Variants in ZNF469 observed in about 807,000 individuals in gnomAD.
ZNF469 encodes the protein zinc finger protein 469.
Under a neutral mutation model 1.0 loss-of-function variants are expected in ZNF469, and 1 was observed. The observed-to-expected ratio is 1.00, with a 90% CI of 0.35 to 4.73. The LOEUF (loss-of-function observed/expected upper bound fraction) is 4.73. ZNF469 is among the 30% of genes most tolerant of loss of function. The probability of loss-of-function intolerance (pLI) is 0.16; values close to 1 mark genes in which losing one functional copy is unlikely to be tolerated. For missense variants in ZNF469, 6,100 were observed against 5,356.3 expected (o/e 1.14, Z -4.33); for synonymous variants, 2,703 against 2,363.4 (o/e 1.14, Z -4.17).
intron 1 of ZNF469, among the ~76,000 whole-genome samples, chr16:88,409,878 G>A (rs8045947): frequency 4.2e-5 from 6 of 143,060 alleles, no homozygotes; most frequent in East Asian, 2.0e-4. Context: ...GGGGGGGGGG[G>A]GGGGGGCGCG....
At chr16:88,145,924 G>A in the ZNF469 span, among the ~76,000 whole-genome samples, 7 of 152,348 alleles carry the variant, frequency 4.6e-5, no homozygotes, top group Non-Finnish European at 7.3e-5. Context: ...CCAGCGGTCC[G>A]GCCTCTGGGA....
the ZNF469 span, among the ~76,000 whole-genome samples, chr16:88,325,894 G>A: frequency 3.9e-5 from 6 of 152,248 alleles, no homozygotes; most frequent in African/African-American, 1.4e-4. Flanking sequence ...TAGACCTGAA[G>A]GACGCCACTT....
the ZNF469 span, among the ~76,000 whole-genome samples, chr16:88,139,190 C>A: frequency 6.6e-6 from 1 of 152,264 alleles, no homozygotes; most frequent in Non-Finnish European, 1.5e-5. Flanking sequence ...ATGCTGGAAG[C>A]TGGGATGAGC....
chr16:88,296,543 C>A, the ZNF469 span, among the ~76,000 whole-genome samples: 1 of 151,528 alleles, frequency 6.6e-6, no homozygotes, highest in Non-Finnish European at 1.5e-5. Context: ...TGCACATACA[C>A]ACATATATGC....
At chr16:88,271,333 G>A in the ZNF469 span, among the ~76,000 whole-genome samples, 4 of 133,166 alleles carry the variant, frequency 3.0e-5, 1 homozygote, top group Non-Finnish European at 6.9e-5. Context: ...GAGGGGGTTA[G>A]GGCCGGGGCC....
the ZNF469 span, among the ~76,000 whole-genome samples, chr16:88,204,701 G>A: frequency 6.6e-6 from 1 of 152,230 alleles, no homozygotes; most frequent in African/African-American, 2.4e-5. Flanking sequence ...GGTCATTCCA[G>A]GATGGTCACA....
At chr16:88,353,741 C>T in the ZNF469 span, among the ~76,000 whole-genome samples, 1 of 152,212 alleles carries the variant, frequency 6.6e-6, no homozygotes, top group Non-Finnish European at 1.5e-5. Flanking sequence ...GAAATGAGGT[C>T]ATACACAGAT....
At position 88,383,796 on chromosome 16, in the gene ZNF469, G is replaced by T. The variant is rs1202177015; in HGVS notation, c.-192+542G>T. 1.3e-5 allele frequency among the ~76,000 whole-genome samples: 2 copies of T among 152,146 alleles called. 1 individual carries two copies. The highest frequency in any genetic ancestry group is 3.9e-4 in the East Asian group (2 of 5,184). On this transcript the variant is annotated intron_variant, in intron 1 of 2. Transcript: ENST00000565624. ...GGCGGTGTCAGCGCCCCGGACGGGG[G>T]TGGGAGCTTTGGAGCCCACCCTGGG...
At chr16:88,120,854 G>T in the ZNF469 span, among the ~76,000 whole-genome samples, 1 of 152,198 alleles carries the variant, frequency 6.6e-6, no homozygotes, top group Admixed American at 6.5e-5. Flanking sequence ...TGTGAGCCCC[G>T]GCTGGCTGCG....
At chr16:88,418,528 T>C (rs747905544) in intron 1 of ZNF469, among the ~76,000 whole-genome samples, 269 of 152,184 alleles carry the variant, frequency 1.8e-3, no homozygotes, top group Non-Finnish European at 3.3e-3. Context: ...GCTCCGTCTT[T>C]AAGCACAAAT....
the ZNF469 span, among the ~76,000 whole-genome samples, chr16:88,275,815 G>A: frequency 1.3e-5 from 2 of 152,216 alleles, no homozygotes; most frequent in Non-Finnish European, 1.5e-5. Context: ...GCATGGCGGA[G>A]GGGATAAGAC....
rs911789771 is a variant in ZNF469 at position 88,430,754 on chromosome 16, C to T, written c.3284C>T (p.Ala1095Val). 6.6e-7 allele frequency: 1 copy of T among 1,508,490 alleles called. No individual in the cohort carries two copies. Among genetic ancestry groups the T allele is most frequent in the Non-Finnish European group, 8.8e-7 (1 of 1,135,486 alleles). 93.4% of individuals were successfully genotyped at this position (1,508,490 alleles called of 1,614,324 possible). A position where few individuals can be genotyped will look rare whatever the true frequency, so the allele number is the denominator to read the frequency against. The change falls in exon 3 of 3, where the codon GCC becomes GTC. Residue 1095 changes from alanine (A) to valine (V), a missense_variant. Ala to Val is a moderately conservative substitution (Grantham distance 64, BLOSUM62 0). Transcript: ENST00000565624. The part of the protein sequence containing the change: ...EDRRLREYDF[A>V]SESEEDEQPP... ...CGCAGGCTCCGCGAGTACGACTTCG[C>T]CTCGGAGTCCGAGGAGGACGAGCAG...
chr16:88,299,953 C>T, the ZNF469 span, among the ~76,000 whole-genome samples: 2 of 152,162 alleles, frequency 1.3e-5, no homozygotes, highest in African/African-American at 4.8e-5. Context: ...GGTGGCATCA[C>T]CACGGCCCCT....
chr16:88,208,741 G>A, the ZNF469 span, among the ~76,000 whole-genome samples: 2 of 150,236 alleles, frequency 1.3e-5, no homozygotes, highest in African/African-American at 4.9e-5. Flanking sequence ...ACATATATCT[G>A]CATCTATAAT....
the ZNF469 span, among the ~76,000 whole-genome samples, chr16:88,174,326 TACA>T: frequency 6.6e-6 from 1 of 152,200 alleles, no homozygotes; most frequent in Admixed American, 6.5e-5. Context: ...CATTCTTAAT[TACA>T]ACTTCAACTT....
the ZNF469 span, among the ~76,000 whole-genome samples, chr16:88,306,768 C>T: frequency 2.0e-5 from 3 of 152,180 alleles, no homozygotes; most frequent in South Asian, 2.1e-4. Flanking sequence ...GGCTTTATTC[C>T]GTCTCCTTCC....
chr16:88,203,619 G>A, the ZNF469 span, among the ~76,000 whole-genome samples: 6 of 152,314 alleles, frequency 3.9e-5, no homozygotes, highest in Admixed American at 2.0e-4. Flanking sequence ...GTCTCCCGGG[G>A]ATCCTTCCTG....
chr16:88,355,339 A>G, the ZNF469 span, among the ~76,000 whole-genome samples: 1 of 152,154 alleles, frequency 6.6e-6, no homozygotes, highest in Non-Finnish European at 1.5e-5. Flanking sequence ...GCTGCTACAA[A>G]ACAAAGAAGC....
At chr16:88,297,491 G>T in the ZNF469 span, among the ~76,000 whole-genome samples, 4 of 152,188 alleles carry the variant, frequency 2.6e-5, no homozygotes, top group Non-Finnish European at 5.9e-5. Context: ...TGTCCGGCCT[G>T]CCTCACTGCC....
Sources: allele counts gnomAD v4.1 joint callset (sites outside exome capture counted in the v4.1 genomes callset), GRCh38; gene constraint gnomAD v4.1.1; transcripts MANE v1.5; gene names NCBI Gene and HGNC (gene_info 2026-07-23, HGNC 2026-07-21).